TRPC7: variants seen among roughly 807,000 people sequenced by gnomAD.
TRPC7 encodes the protein transient receptor potential cation channel subfamily C member 7, also known as short transient receptor potential channel 7.
TRPC7 carries 42 observed loss-of-function variants against 90.1 expected under a neutral mutation model. That is an observed-to-expected ratio of 0.47 (90% CI 0.36 to 0.60). The LOEUF (loss-of-function observed/expected upper bound fraction) is 0.60. Among genes scored for constraint, TRPC7 ranks in the 20% least tolerant of loss-of-function variants. The pLI is 0.00. For synonymous variants in TRPC7, 451 were observed against 436.3 expected (o/e 1.03, Z -0.42); for missense variants, 955 against 1,112.3 (o/e 0.86, Z 2.01).
intron 3 of TRPC7, among the ~76,000 whole-genome samples, chr5:136,293,621 C>T (rs1023524984): frequency 6.6e-5 from 10 of 152,288 alleles, no homozygotes; most frequent in Admixed American, 2.6e-4. Context: ...CTACAAACCA[C>T]TGCTCAATGA....
chr5:136,315,500 C>A (rs554811489), intron 3 of TRPC7, 97 bp downstream of exon 3: 1 of 1,337,186 alleles, frequency 7.5e-7, no homozygotes, highest in African/African-American at 1.5e-5. Flanking sequence ...TCATGGTCAC[C>A]CTGTGGGAAC....
chr5:136,304,264 T>G (rs943018918), intron 3 of TRPC7, among the ~76,000 whole-genome samples: 6 of 151,928 alleles, frequency 3.9e-5, no homozygotes, highest in African/African-American at 1.5e-4. Context: ...ACCATCTCAT[T>G]AAAACCTAAT....
chr5:136,273,561 G>A (rs889160274), intron 4 of TRPC7, among the ~76,000 whole-genome samples: 3 of 152,128 alleles, frequency 2.0e-5, no homozygotes, highest in African/African-American at 7.2e-5. Flanking sequence ...TGACTGTCTG[G>A]TTAGGTGGCC....
rs372087366 is a variant in TRPC7, at chr5:136,360,025, T to A, written c.3-2640A>T. On this transcript the variant is annotated intron_variant, in intron 1 of 11. Transcript: ENST00000513104. ...GCAATACAGCTTGATTCCACGGCAC[T>A]TTTCCATTAGAGGTCTGCTCAAGAG... Among the ~76,000 whole-genome samples the A allele has an allele frequency of 1.2e-4, 19 of 152,264 alleles. No homozygotes were observed. In the East Asian group the frequency reaches 2.7e-3, roughly 22 times the overall value.
At chr5:136,300,040 G>A (rs1443310626) in intron 3 of TRPC7, among the ~76,000 whole-genome samples, 1 of 152,036 alleles carries the variant, frequency 6.6e-6, no homozygotes, top group African/African-American at 2.4e-5. Context: ...TGATAACCAA[G>A]AAGAAGAAAA....
At chr5:136,290,910 A>C (rs1013778046) in intron 3 of TRPC7, among the ~76,000 whole-genome samples, 10 of 152,250 alleles carry the variant, frequency 6.6e-5, no homozygotes, top group African/African-American at 2.4e-4. Flanking sequence ...AGTTACCCAC[A>C]AAGGAAAGCC....
At chr5:136,269,585 A>G (rs951291434) in intron 4 of TRPC7, among the ~76,000 whole-genome samples, 3 of 152,190 alleles carry the variant, frequency 2.0e-5, no homozygotes, top group Non-Finnish European at 2.9e-5. Flanking sequence ...TCCTTCGCCA[A>G]ATGCCACTCT....
intron 3 of TRPC7, among the ~76,000 whole-genome samples, chr5:136,286,100 C>T (rs1172363607): frequency 4.6e-5 from 7 of 152,206 alleles, no homozygotes; most frequent in African/African-American, 1.7e-4. Flanking sequence ...AGTATAATTT[C>T]AAGAAATACT....
rs75257671 is a variant in TRPC7, at chr5:136,251,616, A to G, written c.1579+33T>C. On this transcript the variant is annotated intron_variant, in intron 6 of 11. Transcript: ENST00000513104. ...ACCAGGCCCACGTCCCGGAAGCGCC[A>G]AAATGGAGTAGGGGAAGCACTCTCC... 297 of 1,539,732 alleles carry G rather than the reference A, an allele frequency of 1.9e-4. 1 individual carries two copies. In the East Asian group the frequency reaches 6.7e-3, roughly 35 times the overall value.
chr5:136,238,575 A>G (rs1756063791), intron 7 of TRPC7, among the ~76,000 whole-genome samples: 1 of 151,688 alleles, frequency 6.6e-6, no homozygotes, highest in Non-Finnish European at 1.5e-5. Flanking sequence ...CCATATTATC[A>G]TCCTAGAACT....
intron 2 of TRPC7, among the ~76,000 whole-genome samples, chr5:136,341,595 G>A (rs919336407): frequency 1.3e-5 from 2 of 152,104 alleles, no homozygotes; most frequent in Non-Finnish European, 2.9e-5. Flanking sequence ...AGGAAGAGGA[G>A]CTTACTTCTT....
intron 3 of TRPC7, among the ~76,000 whole-genome samples, chr5:136,281,338 T>C (rs953080535): frequency 2.0e-5 from 3 of 152,252 alleles, no homozygotes; most frequent in Non-Finnish European, 4.4e-5. Context: ...CTCAAGTGCC[T>C]GATCACTTCT....
intron 3 of TRPC7, among the ~76,000 whole-genome samples, chr5:136,293,155 G>C (rs571544636): frequency 1.1e-3 from 161 of 151,670 alleles, no homozygotes; most frequent in African/African-American, 3.8e-3. Context: ...AAAATCATAA[G>C]AGCTATGACA....
In TRPC7 at chr5:136,347,175, C is replaced by T. The variant is rs1036599518; in HGVS notation, c.780+9433G>A. ...AATACCTTGACTTTGGACCTCTAGCCCTCAGTACTGTGAGAGAATAAGGTT... is the reference window on the plus strand; with the variant it reads ...AATACCTTGACTTTGGACCTCTAGCTCTCAGTACTGTGAGAGAATAAGGTT... On this transcript the variant is annotated intron_variant, in intron 2 of 11. Transcript: ENST00000513104. Among the ~76,000 whole-genome samples, 17 of 152,282 alleles carry T rather than the reference C, an allele frequency of 1.1e-4. No homozygotes were observed. In the South Asian group the frequency reaches 1.7e-3, roughly 15 times the overall value.
chr5:136,260,103 G>A (rs1403178648), intron 5 of TRPC7, among the ~76,000 whole-genome samples: 2 of 152,198 alleles, frequency 1.3e-5, no homozygotes, highest in African/African-American at 4.8e-5. Flanking sequence ...ATGCCCCATA[G>A]GATGAGGGGA....
At chr5:136,301,851 C>T (rs895213361) in intron 3 of TRPC7, among the ~76,000 whole-genome samples, 13 of 152,208 alleles carry the variant, frequency 8.5e-5, no homozygotes, top group South Asian at 2.1e-4. Context: ...TGCCGTGACT[C>T]GGATCGGGGG....
chr5:136,223,336 A>G (rs1755519759), intron 10 of TRPC7, among the ~76,000 whole-genome samples: 2 of 152,168 alleles, frequency 1.3e-5, no homozygotes, highest in South Asian at 4.1e-4. Flanking sequence ...GTCTCCTGCT[A>G]GGCGTGGTGG....
intron 5 of TRPC7, among the ~76,000 whole-genome samples, chr5:136,256,162 C>G (rs1756679287): frequency 6.6e-6 from 1 of 152,172 alleles, no homozygotes; most frequent in Non-Finnish European, 1.5e-5. Context: ...TTGGCAGTCC[C>G]TCGGCCCTGT....
intron 6 of TRPC7, among the ~76,000 whole-genome samples, chr5:136,249,753 T>G (rs1756459687): frequency 6.6e-6 from 1 of 152,230 alleles, no homozygotes; most frequent in Admixed American, 6.5e-5. Context: ...GGTTTTCTCC[T>G]TAGAGCTATT....
Sources: gnomAD v4.1 joint callset for allele counts (sites outside exome capture counted in the v4.1 genomes callset) on GRCh38, gnomAD v4.1.1 for gene constraint, MANE v1.5 for transcripts, NCBI Gene and HGNC (gene_info 2026-07-23, HGNC 2026-07-21) for gene names.